Variants in LRRC26 observed in about 807,000 individuals in gnomAD.
LRRC26 encodes leucine rich repeat containing 26, also known as leucine-rich repeat-containing protein 26.
LRRC26 carries 17 observed loss-of-function variants against 15.3 expected under a neutral mutation model. The observed-to-expected ratio is 1.11, with a 90% CI of 0.76 to 1.66. LRRC26 has a LOEUF of 1.66. Among genes scored for constraint, LRRC26 ranks in the 40% most tolerant of loss-of-function variants. The probability of loss-of-function intolerance (pLI) is 0.00; values close to 1 mark genes in which losing one functional copy is unlikely to be tolerated. For synonymous variants in LRRC26, 301 were observed against 272.1 expected, an observed-to-expected ratio of 1.11 and a Z score of -1.05; for missense variants, 573 against 501.0, an observed-to-expected ratio of 1.14 and a Z score of -1.37.
rs1418849297 is a variant in LRRC26 at position 137,168,813 on chromosome 9, G to T, written c.*41C>A. On this transcript the variant is annotated 3_prime_UTR_variant, in exon 2 of 2. Coordinates refer to ENST00000371542, the MANE Select transcript of LRRC26 (RefSeq NM_001013653.3). ...CAGACAGTGTAAAGGGAGGGCAAAG[G>T]CATGGGGGAAGCTTCGAGCGCTCCA... 3 of 1,216,076 alleles carry T rather than the reference G, an allele frequency of 2.5e-6. No homozygotes were observed. The highest frequency in any genetic ancestry group is 3.1e-6 in the Non-Finnish European group (3 of 975,886). The allele number at this position is 1,216,076 out of a possible 1,614,324, so 75.3% of individuals were successfully genotyped here. A position where few individuals can be genotyped will look rare whatever the true frequency, so the allele number is the denominator to read the frequency against.
chr9:137,168,958 C>A lies in LRRC26; in HGVS notation c.901G>T (p.Ala301Ser). The stretch of plus-strand genomic sequence containing the variant: ...TCTGGCGGTCTCGGCGGGCGGAGGG[C>A]GGCGGTGCGGAGGCGGCGGCGGCGC... ...RARRRRLRTA[A>S]LRPPRPPDPN... is the part of the protein sequence containing the mutation. The change falls in exon 2 of 2, where the codon GCC becomes TCC. Residue 301 changes from alanine to serine, a missense_variant. Ala to Ser is a moderately conservative substitution (Grantham distance 99). Transcript: ENST00000371542. 7.2e-7 allele frequency: 1 copy of A among 1,397,208 alleles called. No individual in the cohort carries two copies. The highest frequency in any genetic ancestry group is 9.2e-7 in the Non-Finnish European group (1 of 1,082,436). The allele number at this position is 1,397,208 out of a possible 1,614,324, so 86.6% of individuals were successfully genotyped here.
chr9:137,169,427 TGA>T lies in LRRC26; in HGVS notation c.515_516del (p.Leu172GlnfsTer79), dbSNP rs747560950. 2 of 1,517,578 alleles carry T rather than the reference TGA, an allele frequency of 1.3e-6. No individual in the cohort carries two copies. Among genetic ancestry groups the T allele is most frequent in the African/African-American group, 1.4e-5 (1 of 69,480 alleles). The allele number at this position is 1,517,578 out of a possible 1,614,324, so 94.0% of individuals were successfully genotyped here. A position where few individuals can be genotyped will look rare whatever the true frequency, so the allele number is the denominator to read the frequency against. On this transcript the variant is annotated frameshift_variant, in exon 1 of 2. Coordinates refer to ENST00000371542, the MANE Select transcript of LRRC26 (RefSeq NM_001013653.3). LOFTEE classifies it high-confidence loss of function. The stretch of plus-strand genomic sequence containing the variant: ...GCCGCCAGCTCGTTGTCCTGCAGGC[TGA>T]GTGAGCGCAGCAGCGGGAGCGCGCC... ...ALGALPLLRS[L>X]SLQDNELAAL...
Position 137,169,661 on chromosome 9 carries a change from C to A in LRRC26, c.283G>T (p.Gly95Cys). 6.7e-7 allele frequency: 1 copy of A among 1,502,200 alleles called. No homozygotes were observed. The highest frequency in any genetic ancestry group is 8.8e-7 in the Non-Finnish European group (1 of 1,132,514). 93.1% of individuals were successfully genotyped at this position (1,502,200 alleles called of 1,614,324 possible). The change falls in exon 1 of 2, where the codon GGC (glycine) becomes TGC (cysteine). Residue 95 changes from glycine to cysteine, a missense_variant. Gly to Cys is a radical substitution (Grantham distance 159). Coordinates refer to ENST00000371542, the MANE Select transcript of LRRC26 (RefSeq NM_001013653.3). ...CGCAGGTCCAGGCGCTGTAGCGCGCCCGCTCCCGCGAAGGCACCTGGCGGC... is the reference window on the plus strand; with the variant it reads ...CGCAGGTCCAGGCGCTGTAGCGCGCACGCTCCCGCGAAGGCACCTGGCGGC... ...ALPPGAFAGAGALQRLDLREN... is the reference protein window; with the variant it reads ...ALPPGAFAGACALQRLDLREN...
rs1564370408 is a variant in LRRC26, at chr9:137,168,969, A to G, written c.890T>C (p.Leu297Pro). The G allele has an allele frequency of 4.9e-6, 7 of 1,421,308 alleles. No homozygotes were observed. Among genetic ancestry groups the G allele is most frequent in the Middle Eastern group, 2.5e-4 (1 of 3,978 alleles). 88.0% of individuals were successfully genotyped at this position (1,421,308 alleles called of 1,614,324 possible). A position where few individuals can be genotyped will look rare whatever the true frequency, so the allele number is the denominator to read the frequency against. The change falls in exon 2 of 2, where the codon CTC becomes CCC. Residue 297 changes from leucine to proline, a missense_variant. By Grantham distance (98) the Leu-to-Pro change is moderately conservative (BLOSUM62 -3). Coordinates refer to ENST00000371542, the MANE Select transcript of LRRC26 (RefSeq NM_001013653.3). ...CGGCGGGCGGAGGGCGGCGGTGCGG[A>G]GGCGGCGGCGGCGCGCACGGCAGGC... ...LTACRARRRR[L>P]RTAALRPPRP... is the part of the protein sequence containing the mutation.
In LRRC26 at chr9:137,169,957, C is replaced by G. The variant is rs977127252; in HGVS notation, c.-14G>C. 7.1e-7 allele frequency: 1 copy of G among 1,402,682 alleles called. No individual in the cohort carries two copies. The highest frequency in any genetic ancestry group is 1.5e-5 in the African/African-American group (1 of 65,400). 86.9% of individuals were successfully genotyped at this position (1,402,682 alleles called of 1,614,324 possible). A position where few individuals can be genotyped will look rare whatever the true frequency, so the allele number is the denominator to read the frequency against. ...AGGGCCCCGCATGGGGGCAGCCCCC[C>G]CGCCCCCGGCACCCGCGGTGGGAGG... On this transcript the variant is annotated 5_prime_UTR_variant, in exon 1 of 2. Transcript: ENST00000371542.
In LRRC26 at chr9:137,169,006, AGCCCAGC is replaced by A; in HGVS notation, c.846_852del (p.Gly286ProfsTer?). The A allele has an allele frequency of 6.7e-7, 1 of 1,493,190 alleles. No individual in the cohort carries two copies. Among genetic ancestry groups the A allele is most frequent in the Non-Finnish European group, 8.9e-7 (1 of 1,127,532 alleles). 92.5% of individuals were successfully genotyped at this position (1,493,190 alleles called of 1,614,324 possible). On this transcript the variant is annotated frameshift_variant, in exon 2 of 2. Coordinates refer to ENST00000371542, the MANE Select transcript of LRRC26 (RefSeq NM_001013653.3). LOFTEE classifies it low-confidence loss of function (END_TRUNC). ...CGCGCACGGCAGGCGGTGAGCCCAG[AGCCCAGC>A]GCCAGGCAGGAAGCCAGGCTGACGA...
Position 137,169,019 on chromosome 9 carries a change from G to T in LRRC26, c.840C>A (p.Cys280Ter). 2.0e-6 allele frequency: 3 copies of T among 1,512,332 alleles called. No homozygotes were observed. The highest frequency in any genetic ancestry group is 2.8e-5 in the East Asian group (1 of 36,156). The allele number at this position is 1,512,332 out of a possible 1,614,324, so 93.7% of individuals were successfully genotyped here. ...CGGTGAGCCCAGAGCCCAGCGCCAGGCAGGAAGCCAGGCTGACGAGGAAGG... is the reference window on the plus strand; with the variant it reads ...CGGTGAGCCCAGAGCCCAGCGCCAGTCAGGAAGCCAGGCTGACGAGGAAGG... ...PASFLVSLAS[C>*]LALGSGLTAC... The change falls in exon 2 of 2, where the codon TGC becomes TGA. Residue 280 changes from cysteine (C) to a stop codon, truncating the protein, a stop_gained. Coordinates refer to ENST00000371542, the MANE Select transcript of LRRC26 (RefSeq NM_001013653.3). LOFTEE classifies it low-confidence loss of function (END_TRUNC).
chr9:137,168,998 G>GA lies in LRRC26; in HGVS notation c.860dup (p.Thr288HisfsTer?), dbSNP rs1834021072. ...GGCGGCGGCGCGCACGGCAGGCGGTGAGCCCAGAGCCCAGCGCCAGGCAGG... is the reference window on the plus strand; with the variant it reads ...GGCGGCGGCGCGCACGGCAGGCGGTGAAGCCCAGAGCCCAGCGCCAGGCAGG... On this transcript the variant is annotated frameshift_variant, in exon 2 of 2. Transcript: ENST00000371542. LOFTEE classifies it low-confidence loss of function (END_TRUNC). 2 of 1,466,952 alleles carry GA rather than the reference G, an allele frequency of 1.4e-6. No homozygotes were observed. The highest frequency in any genetic ancestry group is 1.8e-6 in the Non-Finnish European group (2 of 1,114,598). The allele number at this position is 1,466,952 out of a possible 1,614,324, so 90.9% of individuals were successfully genotyped here.
rs1013648289 is a variant in LRRC26 at position 137,169,870 on chromosome 9, C to G, written c.74G>C (p.Trp25Ser). The stretch of plus-strand genomic sequence containing the variant: ...CGAGGCCGTGGCCGACACCTGGGCC[C>G]AGACAGGCCAAGGCGACAGCAGCAG... The part of the protein sequence containing the change: ...LLLLLSPWPV[W>S]AQVSATASPS... Residue 25 changes from tryptophan (W) to serine (S), a missense_variant, in exon 1 of 2, where the codon TGG (tryptophan) becomes TCG (serine). By Grantham distance (177) the Trp-to-Ser change is radical (BLOSUM62 -3). Transcript: ENST00000371542. 14 of 1,482,260 alleles carry G rather than the reference C, an allele frequency of 9.4e-6. No individual in the cohort carries two copies. The highest frequency in any genetic ancestry group is 1.2e-5 in the Non-Finnish European group (13 of 1,125,758). The allele number at this position is 1,482,260 out of a possible 1,614,324, so 91.8% of individuals were successfully genotyped here. A position where few individuals can be genotyped will look rare whatever the true frequency, so the allele number is the denominator to read the frequency against.
rs1374387676 is a variant in LRRC26, at chr9:137,168,836, C to T, written c.*18G>A. 2 of 1,234,382 alleles carry T rather than the reference C, an allele frequency of 1.6e-6. No individual in the cohort carries two copies. Among genetic ancestry groups the T allele is most frequent in the African/African-American group, 1.6e-5 (1 of 64,122 alleles). 76.5% of individuals were successfully genotyped at this position (1,234,382 alleles called of 1,614,324 possible). A position where few individuals can be genotyped will look rare whatever the true frequency, so the allele number is the denominator to read the frequency against. Reference sequence around the variant, plus strand: ...AGGCATGGGGGAAGCTTCGAGCGCTCCAGGCGGCCGCGGCCGCTCAGGCTT... The same window carrying T: ...AGGCATGGGGGAAGCTTCGAGCGCTTCAGGCGGCCGCGGCCGCTCAGGCTT... On this transcript the variant is annotated 3_prime_UTR_variant, in exon 2 of 2. Coordinates refer to ENST00000371542, the MANE Select transcript of LRRC26 (RefSeq NM_001013653.3).
In LRRC26 at chr9:137,169,396, G is replaced by C. The variant is rs1427781350; in HGVS notation, c.548C>G (p.Ala183Gly). The stretch of plus-strand genomic sequence containing the variant: ...GGGCAGGCGGCCCAGCAGCCCCGGC[G>C]CGAGTGCCGCCAGCTCGTTGTCCTG... ...SLQDNELAAL[A>G]PGLLGRLPAL... Residue 183 changes from alanine (A) to glycine (G), a missense_variant, in exon 1 of 2, where the codon GCG becomes GGG. Ala to Gly is a moderately conservative substitution (Grantham distance 60). Transcript: ENST00000371542. 4.7e-6 allele frequency: 7 copies of C among 1,502,410 alleles called. No homozygotes were observed. The East Asian group carries it at 1.7e-4, about 35-fold the overall frequency. 93.1% of individuals were successfully genotyped at this position (1,502,410 alleles called of 1,614,324 possible). A position where few individuals can be genotyped will look rare whatever the true frequency, so the allele number is the denominator to read the frequency against.
Position 137,169,562 on chromosome 9 carries a change from C to G in LRRC26, c.382G>C (p.Ala128Pro), listed in dbSNP as rs1405594145. The change falls in exon 1 of 2, where the codon GCC becomes CCC. Residue 128 changes from alanine (A) to proline (P), a missense_variant. Transcript: ENST00000371542. ...LGALQLLDLSANQLEALAPGT... is the reference protein window; with the variant it reads ...LGALQLLDLSPNQLEALAPGT... ...GGTGCCAGTGCTTCCAGCTGGTTGG[C>G]GCTCAGGTCCAGCAGCTGCAGCGCG... The G allele has an allele frequency of 1.3e-6, 2 of 1,524,446 alleles. No homozygotes were observed. The highest frequency in any genetic ancestry group is 1.9e-4 in the Middle Eastern group (1 of 5,206). 94.4% of individuals were successfully genotyped at this position (1,524,446 alleles called of 1,614,324 possible). A position where few individuals can be genotyped will look rare whatever the true frequency, so the allele number is the denominator to read the frequency against.
In LRRC26 at chr9:137,168,987, C is replaced by T. The variant is rs763165450; in HGVS notation, c.872G>A (p.Arg291His). Residue 291 changes from arginine (R) to histidine (H), a missense_variant, in exon 2 of 2, where the codon CGT becomes CAT. Physicochemically the swap from Arg to His is conservative, Grantham distance 29. Transcript: ENST00000371542. ...GGTGCGGAGGCGGCGGCGGCGCGCA[C>T]GGCAGGCGGTGAGCCCAGAGCCCAG... Reference protein sequence around the residue: ...LALGSGLTACRARRRRLRTAA... With the variant: ...LALGSGLTACHARRRRLRTAA... The T allele has an allele frequency of 2.1e-4, 308 of 1,449,936 alleles. 1 individual carries two copies. In the African/African-American group the frequency reaches 4.1e-3, roughly 20 times the overall value. 89.8% of individuals were successfully genotyped at this position (1,449,936 alleles called of 1,614,324 possible).
Position 137,169,946 on chromosome 9 carries a change from G to C in LRRC26, c.-3C>G. Reference sequence around the variant, plus strand: ...CGCGACCAGGAAGGGCCCCGCATGGGGGCAGCCCCCCCGCCCCCGGCACCC... The same window carrying C: ...CGCGACCAGGAAGGGCCCCGCATGGCGGCAGCCCCCCCGCCCCCGGCACCC... On this transcript the variant is annotated 5_prime_UTR_variant, in exon 1 of 2. Transcript: ENST00000371542. 1 of 1,425,314 alleles carries C rather than the reference G, an allele frequency of 7.0e-7. No individual in the cohort carries two copies. The highest frequency in any genetic ancestry group is 1.5e-5 in the South Asian group (1 of 68,238). The allele number at this position is 1,425,314 out of a possible 1,614,324, so 88.3% of individuals were successfully genotyped here. A position where few individuals can be genotyped will look rare whatever the true frequency, so the allele number is the denominator to read the frequency against.
chr9:137,169,156 C>G lies in LRRC26; in HGVS notation c.703G>C (p.Gly235Arg), dbSNP rs769135102. ...EAETVLCVWP[G>R]RLTLSPLTAF... is the part of the protein sequence containing the mutation. ...GTCAGGGGGCTGAGCGTCAGGCGTC[C>G]CGGCCACACGCAGAGCACCGTCTCG... The change falls in exon 2 of 2, where the codon GGA (glycine) becomes CGA (arginine). Residue 235 changes from glycine (G) to arginine (R), a missense_variant. Transcript: ENST00000371542. The G allele has an allele frequency of 2.0e-6, 3 of 1,531,508 alleles. No homozygotes were observed. The Admixed American group carries it at 5.9e-5, about 30-fold the overall frequency. The allele number at this position is 1,531,508 out of a possible 1,614,324, so 94.9% of individuals were successfully genotyped here. A position where few individuals can be genotyped will look rare whatever the true frequency, so the allele number is the denominator to read the frequency against.
rs1834013079 is a variant in LRRC26 at position 137,168,838 on chromosome 9, A to AGGCGGC, written c.*10_*15dup. 8.1e-7 allele frequency: 1 copy of AGGCGGC among 1,232,236 alleles called. No individual in the cohort carries two copies. The allele number at this position is 1,232,236 out of a possible 1,614,324, so 76.3% of individuals were successfully genotyped here. A position where few individuals can be genotyped will look rare whatever the true frequency, so the allele number is the denominator to read the frequency against. ...GCATGGGGGAAGCTTCGAGCGCTCC[A>AGGCGGC]GGCGGCCGCGGCCGCTCAGGCTTGG... is the stretch of plus-strand genomic sequence containing the variant. On this transcript the variant is annotated 3_prime_UTR_variant, in exon 2 of 2. Transcript: ENST00000371542.
chr9:137,169,463 C>T lies in LRRC26; in HGVS notation c.481G>A (p.Ala161Thr), dbSNP rs951736227. 1.3e-6 allele frequency: 2 copies of T among 1,516,006 alleles called. No individual in the cohort carries two copies. Among genetic ancestry groups the T allele is most frequent in the Non-Finnish European group, 8.8e-7 (1 of 1,140,478 alleles). The allele number at this position is 1,516,006 out of a possible 1,614,324, so 93.9% of individuals were successfully genotyped here. A position where few individuals can be genotyped will look rare whatever the true frequency, so the allele number is the denominator to read the frequency against. ...AGCAGCGGGAGCGCGCCTAGCGCCG[C>T]GGGCTCCAGGCGCGCCAGCCGGTTG... is the stretch of plus-strand genomic sequence containing the variant. ...AGNRLARLEP[A>T]ALGALPLLRS... Residue 161 changes from alanine (A) to threonine (T), a missense_variant, in exon 1 of 2, where the codon GCG becomes ACG. Coordinates refer to ENST00000371542, the MANE Select transcript of LRRC26 (RefSeq NM_001013653.3).
chr9:137,169,253 G>A lies in LRRC26; in HGVS notation c.673+18C>T, dbSNP rs756231660. ...CGCACCGCCCTGCAGACCCCGACCC[G>A]CGTCCCCAGCAGCTCACCTGACGCG... On this transcript the variant is annotated intron_variant, in intron 1 of 1. Coordinates refer to ENST00000371542, the MANE Select transcript of LRRC26 (RefSeq NM_001013653.3). The A allele has an allele frequency of 1.0e-5, 14 of 1,370,644 alleles. No individual in the cohort carries two copies. The South Asian group carries it at 2.2e-4, about 22-fold the overall frequency. 84.9% of individuals were successfully genotyped at this position (1,370,644 alleles called of 1,614,324 possible). A position where few individuals can be genotyped will look rare whatever the true frequency, so the allele number is the denominator to read the frequency against.
chr9:137,169,268 C>T lies in LRRC26; in HGVS notation c.673+3G>A. Reference sequence around the variant, plus strand: ...ACCCCGACCCGCGTCCCCAGCAGCTCACCTGACGCGGGCAGCGGGTGCCGG... The same window carrying T: ...ACCCCGACCCGCGTCCCCAGCAGCTTACCTGACGCGGGCAGCGGGTGCCGG... On this transcript the variant is annotated splice_donor_region_variant and intron_variant, in intron 1 of 1. Transcript: ENST00000371542. The T allele has an allele frequency of 1.5e-6, 2 of 1,377,114 alleles. No homozygotes were observed. Among genetic ancestry groups the T allele is most frequent in the African/African-American group, 3.0e-5 (2 of 65,638 alleles). The allele number at this position is 1,377,114 out of a possible 1,614,324, so 85.3% of individuals were successfully genotyped here.
Sources: gnomAD v4.1 joint callset for allele counts on GRCh38, gnomAD v4.1.1 for gene constraint, MANE v1.5 for transcripts, NCBI Gene and HGNC (gene_info 2026-07-23, HGNC 2026-07-21) for gene names.